Variants in MAML3 observed in about 807,000 individuals in gnomAD.
The protein encoded by MAML3 is mastermind like transcriptional coactivator 3.
A neutral mutation model predicts 101.9 loss-of-function variants in MAML3; 27 were observed. That is an observed-to-expected ratio of 0.27 (90% CI 0.20 to 0.37). The LOEUF (loss-of-function observed/expected upper bound fraction) is 0.37, where lower values mean the gene tolerates loss of function less well. Among genes scored for constraint, MAML3 ranks in the 10% least tolerant of loss-of-function variants. MAML3 has a pLI of 1.00. For missense variants in MAML3, 1,316 were observed against 1,444.9 expected, an observed-to-expected ratio of 0.91 and a Z score of 1.45; for synonymous variants, 501 against 555.9, an observed-to-expected ratio of 0.90 and a Z score of 1.39.
chr4:139,966,121 C>T (rs1333876979), intron 1 of MAML3, among the ~76,000 whole-genome samples: 2 of 152,156 alleles, frequency 1.3e-5, no homozygotes, highest in African/African-American at 2.4e-5. Flanking sequence ...GTGCAGTCAA[C>T]ATGAAAAAAT....
rs753483202 is a variant in MAML3 at position 139,720,332 on chromosome 4, A to T, written c.2417-9T>A. 6.6e-7 allele frequency: 1 copy of T among 1,518,022 alleles called. No homozygotes were observed. Among genetic ancestry groups the T allele is most frequent in the South Asian group, 1.3e-5 (1 of 75,712 alleles). 94.0% of individuals were successfully genotyped at this position (1,518,022 alleles called of 1,614,324 possible). On this transcript the variant is annotated splice_polypyrimidine_tract_variant and intron_variant, in intron 4 of 4. Coordinates refer to ENST00000509479, the MANE Select transcript of MAML3 (RefSeq NM_018717.5). ...TATATCCTGGGGAGAACCTGCAGTG[A>T]AAAAGAGGACACATACCACTCACTC...
intron 1 of MAML3, among the ~76,000 whole-genome samples, chr4:139,939,018 C>G (rs867160023): frequency 6.6e-6 from 1 of 152,206 alleles, no homozygotes; most frequent in South Asian, 2.1e-4. Flanking sequence ...TGAAGACTGG[C>G]TTTTCATTTA....
intron 2 of MAML3, among the ~76,000 whole-genome samples, chr4:139,828,717 T>C (rs1731106292): frequency 8.3e-6 from 1 of 121,080 alleles, no homozygotes; most frequent in Admixed American, 8.8e-5. Flanking sequence ...CACTTCTTTT[T>C]TTTTTTTTTT....
chr4:139,820,713 T>C (rs2111122013), intron 2 of MAML3, among the ~76,000 whole-genome samples: 1 of 152,326 alleles, frequency 6.6e-6, no homozygotes. Context: ...TCTTCTAAAA[T>C]ACTTCAATAG....
At chr4:139,891,371 C>G (rs1732494651) in intron 1 of MAML3, among the ~76,000 whole-genome samples, 1 of 152,164 alleles carries the variant, frequency 6.6e-6, no homozygotes. Context: ...CTTCACCTCC[C>G]AGGTTCAAGC....
intron 1 of MAML3, among the ~76,000 whole-genome samples, chr4:139,996,279 T>C (rs918255653): frequency 4.6e-5 from 7 of 152,224 alleles, no homozygotes; most frequent in African/African-American, 1.7e-4. Flanking sequence ...GTTAACAGTG[T>C]TGTTCAAGTG....
At chr4:139,865,496 G>GGT (rs1553961147) in intron 2 of MAML3, among the ~76,000 whole-genome samples, 4 of 122,626 alleles carry the variant, frequency 3.3e-5, no homozygotes, top group Non-Finnish European at 7.2e-5. Flanking sequence ...TTTTTTTTTT[G>GGT]TTTTTTTTTT....
chr4:139,946,102 T>C (rs993321035), intron 1 of MAML3, among the ~76,000 whole-genome samples: 6 of 152,228 alleles, frequency 3.9e-5, no homozygotes, highest in African/African-American at 1.2e-4. Flanking sequence ...CGCCCCAAAA[T>C]GTGAGCTTGT....
At chr4:139,773,578 G>C (rs145607195) in intron 2 of MAML3, among the ~76,000 whole-genome samples, 55 of 152,292 alleles carry the variant, frequency 3.6e-4, no homozygotes, top group Non-Finnish European at 4.0e-4. Flanking sequence ...CTAAGGATGG[G>C]GTAGCAGTGA....
At chr4:139,980,608 G>A (rs1734427507) in intron 1 of MAML3, among the ~76,000 whole-genome samples, 1 of 152,160 alleles carries the variant, frequency 6.6e-6, no homozygotes, top group African/African-American at 2.4e-5. Context: ...ATCGAGTTAA[G>A]TTGTCCAAAT....
intron 1 of MAML3, among the ~76,000 whole-genome samples, chr4:140,101,297 T>C (rs962402344): frequency 1.3e-5 from 2 of 152,182 alleles, no homozygotes; most frequent in African/African-American, 4.8e-5. Flanking sequence ...CCCTACCTAA[T>C]AGAACACTTT....
At chr4:139,755,193 A>G (rs545267923) in intron 2 of MAML3, among the ~76,000 whole-genome samples, 2 of 152,378 alleles carry the variant, frequency 1.3e-5, no homozygotes, top group East Asian at 3.9e-4. Flanking sequence ...TTCAACAGCC[A>G]TAAGCCGGAA....
chr4:139,877,783 A>G (rs542249499), intron 2 of MAML3, among the ~76,000 whole-genome samples: 1 of 152,226 alleles, frequency 6.6e-6, no homozygotes, highest in Non-Finnish European at 1.5e-5. Flanking sequence ...AAGATAAATA[A>G]TAGCAAAGTA....
intron 1 of MAML3, among the ~76,000 whole-genome samples, chr4:140,133,365 G>A (rs955393483): frequency 1.3e-5 from 2 of 152,082 alleles, no homozygotes; most frequent in African/African-American, 4.8e-5. Flanking sequence ...ATGTCCCCTG[G>A]TGCTTTATAA....
At position 139,773,139 on chromosome 4, in the gene MAML3, G is replaced by A. The variant is rs1044707122; in HGVS notation, c.2080-42472C>T. ...GTAAAACTGAAGTCCAGAAGCTGAG[G>A]ATAGAACTATCAACAGGCTTCAGGA... On this transcript the variant is annotated intron_variant, in intron 2 of 4. Coordinates refer to ENST00000509479, the MANE Select transcript of MAML3 (RefSeq NM_018717.5). Among the ~76,000 whole-genome samples the A allele has an allele frequency of 7.9e-5, 12 of 152,230 alleles. No individual in the cohort carries two copies. The South Asian group carries it at 2.5e-3, about 32-fold the overall frequency.
chr4:140,153,399 C>G lies in MAML3; in HGVS notation c.-72G>C. 1.5e-5 allele frequency: 22 copies of G among 1,445,662 alleles called. No homozygotes were observed. Among genetic ancestry groups the G allele is most frequent in the Non-Finnish European group, 2.0e-5 (22 of 1,098,752 alleles). The allele number at this position is 1,445,662 out of a possible 1,614,324, so 89.6% of individuals were successfully genotyped here. A position where few individuals can be genotyped will look rare whatever the true frequency, so the allele number is the denominator to read the frequency against. On this transcript the variant is annotated 5_prime_UTR_variant, in exon 1 of 5. Coordinates refer to ENST00000509479, the MANE Select transcript of MAML3 (RefSeq NM_018717.5). ...CCCCTATCAGCCTCCTCCTTGGGTC[C>G]AAGGATTAAAATAGTTTAAGTGGAA...
chr4:139,846,055 A>C (rs1731440765), intron 2 of MAML3, among the ~76,000 whole-genome samples: 1 of 152,198 alleles, frequency 6.6e-6, no homozygotes, highest in Admixed American at 6.5e-5. Context: ...ACAGCTTGAC[A>C]GTGACAAAAA....
intron 2 of MAML3, among the ~76,000 whole-genome samples, chr4:139,856,927 T>A (rs1449662506): frequency 6.6e-6 from 1 of 152,204 alleles, no homozygotes; most frequent in Non-Finnish European, 1.5e-5. Flanking sequence ...AAACTGTCTA[T>A]GTGGTTCTGA....
Position 139,890,453 on chromosome 4 carries a change from A to C in MAML3, c.983T>G (p.Leu328Arg). 6.2e-7 allele frequency: 1 copy of C among 1,612,422 alleles called. No individual in the cohort carries two copies. The highest frequency in any genetic ancestry group is 1.3e-5 in the African/African-American group (1 of 75,004). ...NTVPEDDIQD[L>R]FNEDFEEKKE... ...CTTCTCTTCAAAGTCTTCGTTGAACAGGTCCTGTATGTCATCCTCAGGAAC... is the reference window on the plus strand; with the variant it reads ...CTTCTCTTCAAAGTCTTCGTTGAACCGGTCCTGTATGTCATCCTCAGGAAC... Residue 328 changes from leucine to arginine, a missense_variant, in exon 2 of 5, where the codon CTG (leucine) becomes CGG (arginine). By Grantham distance (102) the Leu-to-Arg change is moderately radical (BLOSUM62 -2). Transcript: ENST00000509479. This position sits in a 1 kb window ranked among gnomAD's most constrained non-coding sequence, Gnocchi z 4.1.
Sources: allele counts gnomAD v4.1 joint callset (sites outside exome capture counted in the v4.1 genomes callset), GRCh38; gene constraint gnomAD v4.1.1; non-coding constraint Gnocchi (gnomAD v3.1); transcripts MANE v1.5; gene names NCBI Gene and HGNC (gene_info 2026-07-23, HGNC 2026-07-21).